SIPA1L2: variants seen among roughly 807,000 people sequenced by gnomAD.
SIPA1L2 encodes signal-induced proliferation-associated 1-like protein 2.
A neutral mutation model predicts 163.9 loss-of-function variants in SIPA1L2; 56 were observed. That is an observed-to-expected ratio of 0.34 (90% CI 0.28 to 0.43). The LOEUF is 0.43. SIPA1L2 is among the 20% of genes least tolerant of loss of function. The probability of loss-of-function intolerance (pLI) is 1.00; values close to 1 mark genes in which losing one functional copy is unlikely to be tolerated. For synonymous variants in SIPA1L2, 877 were observed against 865.7 expected (o/e 1.01, Z -0.23); for missense variants, 1,974 against 2,193.5 (o/e 0.90, Z 2.00).
At chr1:232,411,471 G>T (rs1660953311) in intron 19 of SIPA1L2, among the ~76,000 whole-genome samples, 8 of 151,936 alleles carry the variant, frequency 5.3e-5, no homozygotes. Flanking sequence ...TTTCTAACAT[G>T]GTTCATTTGT....
chr1:232,485,529 C>A (rs1229757522), intron 5 of SIPA1L2, among the ~76,000 whole-genome samples: 1 of 152,014 alleles, frequency 6.6e-6, no homozygotes, highest in Non-Finnish European at 1.5e-5. Context: ...CAATCATCTT[C>A]AAAAAAATAT....
intron 5 of SIPA1L2, among the ~76,000 whole-genome samples, chr1:232,489,820 T>C (rs532333592): frequency 2.6e-5 from 4 of 152,354 alleles, no homozygotes; most frequent in Non-Finnish European, 5.9e-5. Flanking sequence ...TAAAATAAGT[T>C]GCATGCACTT....
intron 18 of SIPA1L2, among the ~76,000 whole-genome samples, chr1:232,421,191 C>A (rs574746858): frequency 6.6e-6 from 1 of 152,112 alleles, no homozygotes; most frequent in Admixed American, 6.5e-5. Flanking sequence ...GACACTTCTC[C>A]GTGCTCACAA....
chr1:232,546,423 C>T (rs961137758), intron 2 of SIPA1L2, among the ~76,000 whole-genome samples: 5 of 152,154 alleles, frequency 3.3e-5, no homozygotes, highest in South Asian at 2.1e-4. Flanking sequence ...ATACACTTTA[C>T]GAACCTCCCA....
chr1:232,431,048 TA>T (rs990908239), intron 16 of SIPA1L2, among the ~76,000 whole-genome samples: 2 of 152,174 alleles, frequency 1.3e-5, no homozygotes, highest in Admixed American at 6.5e-5. Flanking sequence ...GCTTTTGCAT[TA>T]AAACTGTCCG....
At chr1:232,584,234 T>TA (rs1405518804) in intron 1 of SIPA1L2, among the ~76,000 whole-genome samples, 2 of 146,474 alleles carry the variant, frequency 1.4e-5, no homozygotes, top group Non-Finnish European at 3.0e-5. Flanking sequence ...TAGTCCAATC[T>TA]TTTTTTTTTT....
At chr1:232,560,123 T>G (rs1658948735) in intron 2 of SIPA1L2, among the ~76,000 whole-genome samples, 2 of 152,220 alleles carry the variant, frequency 1.3e-5, no homozygotes, top group Admixed American at 1.3e-4. Flanking sequence ...TGGCCAGTCC[T>G]TTATTGACAG....
At chr1:232,529,816 T>A (rs1437333012) in intron 2 of SIPA1L2, among the ~76,000 whole-genome samples, 1 of 152,200 alleles carries the variant, frequency 6.6e-6, no homozygotes, top group Non-Finnish European at 1.5e-5. Context: ...AAAAAAGGTA[T>A]TGCCAACTTT....
intron 1 of SIPA1L2, among the ~76,000 whole-genome samples, chr1:232,615,745 C>G (rs1010134638): frequency 6.6e-6 from 1 of 152,144 alleles, no homozygotes; most frequent in Non-Finnish European, 1.5e-5. Context: ...CCTTCCTCCA[C>G]CCAGAACTAA....
chr1:232,507,895 C>T (rs914394784), intron 3 of SIPA1L2, among the ~76,000 whole-genome samples: 1 of 152,046 alleles, frequency 6.6e-6, no homozygotes, highest in African/African-American at 2.4e-5. Context: ...GGAGTAAGCT[C>T]CATTTACATA....
At chr1:232,523,525 C>T (rs1667549264) in intron 2 of SIPA1L2, among the ~76,000 whole-genome samples, 1 of 152,056 alleles carries the variant, frequency 6.6e-6, no homozygotes, top group Non-Finnish European at 1.5e-5. Flanking sequence ...TTAATGTCAA[C>T]CAATATAGAC....
Position 232,504,951 on chromosome 1 carries a change from A to G in SIPA1L2, c.1483+8906T>C, listed in dbSNP as rs563844737. Among the ~76,000 whole-genome samples, 3 of 152,358 alleles carry G rather than the reference A, an allele frequency of 2.0e-5. No homozygotes were observed. The South Asian group carries it at 6.2e-4, about 32-fold the overall frequency. On this transcript the variant is annotated intron_variant, in intron 3 of 22. Coordinates refer to ENST00000674635, the MANE Select transcript of SIPA1L2 (RefSeq NM_020808.5). ...AGCTTGAGGCTAAAAAAATTCATGCAAAGGTTTAAATTACAAAAATTAATT... is the reference window on the plus strand; with the variant it reads ...AGCTTGAGGCTAAAAAAATTCATGCGAAGGTTTAAATTACAAAAATTAATT...
intron 11 of SIPA1L2, 139 bp from the exon 12 acceptor site, chr1:232,443,824 G>C (rs1185700290): frequency 1.6e-6 from 1 of 634,326 alleles, no homozygotes; most frequent in Non-Finnish European, 2.6e-6. Flanking sequence ...ATGTGAAACA[G>C]AATAAATCAT....
At position 232,611,309 on chromosome 1, in the gene SIPA1L2, G is replaced by C. The variant is rs182429543; in HGVS notation, c.-319+18560C>G. 3.1e-3 allele frequency among the ~76,000 whole-genome samples: 475 copies of C among 152,256 alleles called. 1 individual carries two copies. The highest frequency in any genetic ancestry group is 0.017 in the Middle Eastern group (5 of 294). ...TACAGTAAATTGGTACCAGTAGAGT[G>C]GGGCGTTGCTGAAAAGACACCTGAA... On this transcript the variant is annotated intron_variant, in intron 1 of 22. Transcript: ENST00000674635.
chr1:232,414,707 C>T lies in SIPA1L2; in HGVS notation c.4762+787G>A, dbSNP rs374757696. 5.9e-5 allele frequency among the ~76,000 whole-genome samples: 9 copies of T among 152,272 alleles called. No individual in the cohort carries two copies. The South Asian group carries it at 8.3e-4, about 14-fold the overall frequency. On this transcript the variant is annotated intron_variant, in intron 19 of 22. Transcript: ENST00000674635. ...TCCTAGCTGCCAGGTTCCCCAGTGC[C>T]AGAGCCTGCCATCGTAAAAACTCAC...
At chr1:232,606,760 A>C (rs1661945350) in intron 1 of SIPA1L2, among the ~76,000 whole-genome samples, 1 of 151,726 alleles carries the variant, frequency 6.6e-6, no homozygotes, top group Non-Finnish European at 1.5e-5. Flanking sequence ...AGTTGTCAGA[A>C]GGTTAAAAAA....
chr1:232,471,980 C>T (rs1292638336), intron 7 of SIPA1L2, among the ~76,000 whole-genome samples: 1 of 152,164 alleles, frequency 6.6e-6, no homozygotes, highest in Non-Finnish European at 1.5e-5. Flanking sequence ...TGCATTTCTG[C>T]AACAAAAATA....
intron 2 of SIPA1L2, among the ~76,000 whole-genome samples, chr1:232,553,385 G>GAC (rs1658515181): frequency 6.6e-6 from 1 of 152,130 alleles, no homozygotes; most frequent in African/African-American, 2.4e-5. Context: ...ACAGGACGGG[G>GAC]GGGCGTAGTG....
rs763915846 is a variant in SIPA1L2, at chr1:232,465,442, A to G, written c.2244-26T>C. 3.8e-6 allele frequency: 6 copies of G among 1,573,970 alleles called. No homozygotes were observed. The South Asian group carries it at 7.0e-5, about 18-fold the overall frequency. Reference sequence around the variant, plus strand: ...CTGAGGAAGTAAAAACAGAAACAAAATGAGATGAGCTATGATACCATAATA... The same window carrying G: ...CTGAGGAAGTAAAAACAGAAACAAAGTGAGATGAGCTATGATACCATAATA... On this transcript the variant is annotated intron_variant, in intron 8 of 22. Transcript: ENST00000674635. The surrounding 1 kb of genome is among the most constrained non-coding windows in gnomAD (Gnocchi z 4.1).
Sources: allele counts gnomAD v4.1 joint callset (sites outside exome capture counted in the v4.1 genomes callset), GRCh38; gene constraint gnomAD v4.1.1; non-coding constraint Gnocchi (gnomAD v3.1); transcripts MANE v1.5; gene names NCBI Gene and HGNC (gene_info 2026-07-23, HGNC 2026-07-21).